HNRNPK: variants seen among roughly 807,000 people sequenced by gnomAD.
HNRNPK encodes the protein dC-stretch binding protein.
HNRNPK carries 7 observed loss-of-function variants against 67.0 expected under a neutral mutation model. That is an observed-to-expected ratio of 0.10 (90% confidence interval 0.06 to 0.20). The LOEUF (loss-of-function observed/expected upper bound fraction) is 0.20. Ranked by LOEUF, HNRNPK falls within the 10% of genes least tolerant of loss-of-function variation. The probability of loss-of-function intolerance (pLI) is 1.00; values close to 1 mark genes in which losing one functional copy is unlikely to be tolerated. For synonymous variants in HNRNPK, 213 were observed against 193.7 expected (o/e 1.10, Z -0.83); for missense variants, 264 against 606.5 (o/e 0.44, Z 5.93).
At position 83,968,377 on chromosome 9, in the gene HNRNPK, A is replaced by AGT. The variant is rs2133001506; in HGVS notation, c.*1028_*1029dup. On this transcript the variant is annotated 3_prime_UTR_variant, in exon 17 of 17. Coordinates refer to ENST00000376263, the MANE Select transcript of HNRNPK (RefSeq NM_031263.4). The stretch of plus-strand genomic sequence containing the variant: ...TCAATTTGCATACAATGGAAAAACA[A>AGT]GTATATATATATTTTACAAAGTTTA... 1 of 152,678 alleles carries AGT rather than the reference A, an allele frequency of 6.5e-6. No homozygotes were observed. Among genetic ancestry groups the AGT allele is most frequent in the African/African-American group, 2.4e-5 (1 of 41,554 alleles). The allele number at this position is 152,678 out of a possible 1,614,324, so 9.5% of individuals were successfully genotyped here. A position where few individuals can be genotyped will look rare whatever the true frequency, so the allele number is the denominator to read the frequency against.
At chr9:83,974,999 A>G (rs1221128484) in intron 6 of HNRNPK, among the ~76,000 whole-genome samples, 2 of 152,256 alleles carry the variant, frequency 1.3e-5, no homozygotes, top group Non-Finnish European at 2.9e-5. Flanking sequence ...TATCTGGAGT[A>G]AGGTTATGAA....
chr9:83,976,824 C>A, intron 5 of HNRNPK, 171 bp downstream of exon 5: 1 of 470,454 alleles, frequency 2.1e-6, no homozygotes, highest in African/African-American at 2.0e-5. Context: ...TCAATCTGGG[C>A]TTTTGTTAAA....
chr9:83,979,470 A>T (rs1957252954), intron 1 of HNRNPK, among the ~76,000 whole-genome samples: 1 of 152,186 alleles, frequency 6.6e-6, no homozygotes, highest in Non-Finnish European at 1.5e-5. Context: ...AGGCCTCAAA[A>T]ATCCGCTAAG....
Position 83,970,931 on chromosome 9 carries a change from A to T in HNRNPK, c.1093-19T>A, listed in dbSNP as rs747482479. 5 of 1,610,892 alleles carry T rather than the reference A, an allele frequency of 3.1e-6. No individual in the cohort carries two copies. In the Admixed American group the frequency reaches 6.7e-5, roughly 21 times the overall value. The stretch of plus-strand genomic sequence containing the variant: ...AGCCACCCTAAAAACAGAAAGAAAA[A>T]AATAGAAAATTACTTTGCCGTTGTA... On this transcript the variant is annotated intron_variant, in intron 13 of 16. Coordinates refer to ENST00000376263, the MANE Select transcript of HNRNPK (RefSeq NM_031263.4).
intron 3 of HNRNPK, 63 bp downstream of exon 3, chr9:83,978,132 A>T: frequency 9.3e-7 from 1 of 1,076,616 alleles, no homozygotes; most frequent in Non-Finnish European, 1.4e-6. Context: ...GCAATAATTA[A>T]CAGAAAAAGG....
chr9:83,976,899 A>G (rs1266796100), intron 5 of HNRNPK, 96 bp downstream of exon 5: 13 of 693,478 alleles, frequency 1.9e-5, no homozygotes, highest in South Asian at 4.3e-5. Flanking sequence ...CTTTGTAGCT[A>G]AACTATGAAA....
At chr9:83,973,644 G>T (rs1169567272) in intron 8 of HNRNPK, among the ~76,000 whole-genome samples, 1 of 152,134 alleles carries the variant, frequency 6.6e-6, no homozygotes, top group East Asian at 1.9e-4. Context: ...CAGCCATTTA[G>T]CATGTCGCTG....
At position 83,972,949 on chromosome 9, in the gene HNRNPK, A is replaced by G; in HGVS notation, c.540T>C (p.Leu180=). Residue 180 remains leucine, a synonymous_variant, in exon 10 of 17, where the codon CTT becomes CTC. Coordinates refer to ENST00000376263, the MANE Select transcript of HNRNPK (RefSeq NM_031263.4). The part of the protein sequence containing the change: ...LRENTQTTIK[L]FQECCPHSTD... Reference sequence around the variant, plus strand: ...TGGAATGAGGACAGCATTCCTGGAAAAGCTTGATGGTGGTTTGAGTGTTCT... The same window carrying G: ...TGGAATGAGGACAGCATTCCTGGAAGAGCTTGATGGTGGTTTGAGTGTTCT... 6.2e-7 allele frequency: 1 copy of G among 1,609,692 alleles called. No individual in the cohort carries two copies. The highest frequency in any genetic ancestry group is 1.1e-5 in the South Asian group (1 of 90,808).
In HNRNPK at chr9:83,972,987, T is replaced by C; in HGVS notation, c.517-15A>G. 1 of 1,526,466 alleles carries C rather than the reference T, an allele frequency of 6.6e-7. No individual in the cohort carries two copies. Among genetic ancestry groups the C allele is most frequent in the Non-Finnish European group, 8.9e-7 (1 of 1,127,610 alleles). The allele number at this position is 1,526,466 out of a possible 1,614,324, so 94.6% of individuals were successfully genotyped here. On this transcript the variant is annotated splice_polypyrimidine_tract_variant and intron_variant, in intron 9 of 16. Coordinates refer to ENST00000376263, the MANE Select transcript of HNRNPK (RefSeq NM_031263.4). ...GTTTGAGTGTTCTGTAGTAAGATCA[T>C]AAAAAAAAATAATAATAATTAGAAG...
chr9:83,973,991 A>G lies in HNRNPK; in HGVS notation c.331-18T>C. 1 of 1,582,862 alleles carries G rather than the reference A, an allele frequency of 6.3e-7. No individual in the cohort carries two copies. The highest frequency in any genetic ancestry group is 8.7e-7 in the Non-Finnish European group (1 of 1,151,534). ...TGCAGGCCCTGAAAGTAGAAAAATAAGAGTAATAGGTTAAGTGTCTAGCGT... is the reference window on the plus strand; with the variant it reads ...TGCAGGCCCTGAAAGTAGAAAAATAGGAGTAATAGGTTAAGTGTCTAGCGT... On this transcript the variant is annotated intron_variant, in intron 7 of 16. Coordinates refer to ENST00000376263, the MANE Select transcript of HNRNPK (RefSeq NM_031263.4).
intron 4 of HNRNPK, among the ~76,000 whole-genome samples, chr9:83,977,368 T>G (rs756263738): frequency 6.6e-6 from 1 of 152,326 alleles, no homozygotes; most frequent in South Asian, 2.1e-4. Context: ...CTTCATATTG[T>G]GACCTGTGAT....
rs1956704759 is a variant in HNRNPK, at chr9:83,969,045, T to C, written c.*362A>G. Reference sequence around the variant, plus strand: ...TCCTCCCTGTCCCACCCCCCAAATGTTACAGTGACCACAAAGCAAGGTGTT... The same window carrying C: ...TCCTCCCTGTCCCACCCCCCAAATGCTACAGTGACCACAAAGCAAGGTGTT... On this transcript the variant is annotated 3_prime_UTR_variant, in exon 17 of 17. Transcript: ENST00000376263. 2 of 407,976 alleles carry C rather than the reference T, an allele frequency of 4.9e-6. No homozygotes were observed. The highest frequency in any genetic ancestry group is 7.2e-5 in the South Asian group (2 of 27,740). 25.3% of individuals were successfully genotyped at this position (407,976 alleles called of 1,614,324 possible). A position where few individuals can be genotyped will look rare whatever the true frequency, so the allele number is the denominator to read the frequency against.
Position 83,973,892 on chromosome 9 carries a change from T to C in HNRNPK, c.402+10A>G. On this transcript the variant is annotated intron_variant, in intron 8 of 16. Coordinates refer to ENST00000376263, the MANE Select transcript of HNRNPK (RefSeq NM_031263.4). ...ATACTTCAGTGGGGTTCAATGGCAC[T>C]ATGACATACATTTAAGCATTCCACA... is the stretch of plus-strand genomic sequence containing the variant. The C allele has an allele frequency of 6.2e-7, 1 of 1,608,848 alleles. No homozygotes were observed. Among genetic ancestry groups the C allele is most frequent in the Non-Finnish European group, 8.5e-7 (1 of 1,175,408 alleles).
chr9:83,976,437 A>C (rs1296875463), intron 5 of HNRNPK: 1 of 152,342 alleles, frequency 6.6e-6, no homozygotes, highest in African/African-American at 2.4e-5. Context: ...TGTAAAATGA[A>C]GACTCAAACA....
At chr9:83,975,058 C>T (rs1189762438) in intron 6 of HNRNPK, among the ~76,000 whole-genome samples, 1 of 152,090 alleles carries the variant, frequency 6.6e-6, no homozygotes, top group East Asian at 1.9e-4. Flanking sequence ...AAAACAAATA[C>T]AAATGCAAGA....
chr9:83,969,176 C>G lies in HNRNPK; in HGVS notation c.*231G>C. On this transcript the variant is annotated 3_prime_UTR_variant, in exon 17 of 17. Coordinates refer to ENST00000376263, the MANE Select transcript of HNRNPK (RefSeq NM_031263.4). ...AAATTTCAATGTTAGTTTTTGCACG[C>G]CCTTCCCCCCCCCAACCCTGTTTGT... The G allele has an allele frequency of 1.9e-6, 1 of 535,762 alleles. No homozygotes were observed. Among genetic ancestry groups the G allele is most frequent in the East Asian group, 2.9e-5 (1 of 33,992 alleles). The allele number at this position is 535,762 out of a possible 1,614,324, so 33.2% of individuals were successfully genotyped here. A position where few individuals can be genotyped will look rare whatever the true frequency, so the allele number is the denominator to read the frequency against.
intron 16 of HNRNPK, chr9:83,969,768 C>T (rs1477550220): frequency 1.5e-6 from 1 of 653,160 alleles, no homozygotes. Context: ...ATGGCCTGTG[C>T]CATATGGCAG....
At position 83,970,319 on chromosome 9, in the gene HNRNPK, T is replaced by C; in HGVS notation, c.1204A>G (p.Ile402Val). The change falls in exon 16 of 17, where the codon ATT (isoleucine) becomes GTT (valine). Residue 402 changes from isoleucine to valine, a missense_variant. Ile to Val is a conservative substitution (Grantham distance 29, BLOSUM62 3). Around this residue, in one of 6 missense-constraint regions of HNRNPK, gnomAD observed 24 missense variants for 103.3 expected, o/e 0.23. Coordinates refer to ENST00000376263, the MANE Select transcript of HNRNPK (RefSeq NM_031263.4). ...ATCCGCTGACCACCTTTGCCAATAA[T>C]AGATCCAGCCAACTGAAAAGATTTT... ...VTIPKDLAGSIIGKGGQRIKQ... is the reference protein window; with the variant it reads ...VTIPKDLAGSVIGKGGQRIKQ... 6.2e-7 allele frequency: 1 copy of C among 1,612,100 alleles called. No homozygotes were observed. Among genetic ancestry groups the C allele is most frequent in the Non-Finnish European group, 8.5e-7 (1 of 1,179,106 alleles).
upstream of HNRNPK, chr9:83,980,385 C>A (rs1298570912): frequency 6.6e-6 from 1 of 152,634 alleles, no homozygotes; most frequent in Non-Finnish European, 1.5e-5. Flanking sequence ...TCCCTTCGGG[C>A]TGGGAGGCCA....
Sources: allele counts gnomAD v4.1 joint callset (sites outside exome capture counted in the v4.1 genomes callset), GRCh38; gene constraint gnomAD v4.1.1; regional missense constraint gnomAD v4.1.1; transcripts MANE v1.5; gene names NCBI Gene and HGNC (gene_info 2026-07-23, HGNC 2026-07-21).